Variants in VWA8 observed in about 807,000 individuals in gnomAD.
VWA8 encodes the protein von Willebrand factor A domain-containing protein 8.
Under a neutral mutation model 241.5 loss-of-function variants are expected in VWA8, and 221 were observed. The observed-to-expected ratio is 0.91, with a 90% CI of 0.82 to 1.02. VWA8 has a LOEUF of 1.02. Ranked by LOEUF, VWA8 falls within the 50% of genes least tolerant of loss-of-function variation. VWA8 has a pLI of 0.00. For missense variants in VWA8, 2,322 were observed against 2,328.7 expected (o/e 1.00, Z 0.06); for synonymous variants, 852 against 827.1 (o/e 1.03, Z -0.52).
At chr13:41,691,173 T>C (rs1158190057) in intron 32 of VWA8, 147 bp downstream of exon 32, 4 of 915,604 alleles carry the variant, frequency 4.4e-6, no homozygotes, top group Non-Finnish European at 6.0e-6. Flanking sequence ...CCTCAATTCT[T>C]ATAAGTCTCA....
At chr13:41,592,874 C>T (rs938207690) in intron 40 of VWA8, among the ~76,000 whole-genome samples, 1 of 152,166 alleles carries the variant, frequency 6.6e-6, no homozygotes, top group Non-Finnish European at 1.5e-5. Flanking sequence ...TAACACTAGT[C>T]TCTACTTTAG....
At position 41,670,965 on chromosome 13, in the gene VWA8, T is replaced by C. The variant is rs2045018209; in HGVS notation, c.4592A>G (p.Gln1531Arg). The C allele has an allele frequency of 6.2e-7, 1 of 1,613,844 alleles. No homozygotes were observed. The highest frequency in any genetic ancestry group is 8.5e-7 in the Non-Finnish European group (1 of 1,179,834). The change falls in exon 37 of 45, where the codon CAA becomes CGA. Residue 1531 changes from glutamine to arginine, a missense_variant. Physicochemically the swap from Gln to Arg is conservative, Grantham distance 43. Transcript: ENST00000379310. ...TGGTACCTGCATATTTCTGTCATCT[T>C]GTCCAATCATGTTTCTCCATTCCAT... ...SLMEWRNMIG[Q>R]DDRNMQITIN...
intron 38 of VWA8, among the ~76,000 whole-genome samples, chr13:41,612,351 C>A (rs1399131201): frequency 6.6e-6 from 1 of 152,166 alleles, no homozygotes; most frequent in Non-Finnish European, 1.5e-5. Flanking sequence ...CTGGTTTGAA[C>A]AATATATAAC....
At chr13:41,795,049 C>T (rs116968284) in intron 17 of VWA8, among the ~76,000 whole-genome samples, 1,864 of 152,152 alleles carry the variant, frequency 0.012, 12 homozygotes, top group East Asian at 0.02. Context: ...TGCAATCTAT[C>T]CATCTGACAA....
At chr13:41,695,727 G>A (rs952781753) in intron 29 of VWA8, among the ~76,000 whole-genome samples, 13 of 152,176 alleles carry the variant, frequency 8.5e-5, no homozygotes, top group African/African-American at 1.9e-4. Flanking sequence ...TGAAACTGTG[G>A]CCAAAGGGGT....
rs1296732345 is a variant in VWA8, at chr13:41,721,543, G to C, written c.2791C>G (p.Pro931Ala). 1 of 1,613,484 alleles carries C rather than the reference G, an allele frequency of 6.2e-7. No homozygotes were observed. Among genetic ancestry groups the C allele is most frequent in the Non-Finnish European group, 8.5e-7 (1 of 1,179,708 alleles). The change falls in exon 25 of 45, where the codon CCC becomes GCC. Residue 931 changes from proline to alanine, a missense_variant. Coordinates refer to ENST00000379310, the MANE Select transcript of VWA8 (RefSeq NM_015058.2). ...ATCTCGAGCTCCGAGTGGGGTTTGG[G>C]GTTATCAACTGCATGGCAGCTAAAA... ...DIFSCHAVDN[P>A]KPHSELEMLR...
chr13:41,833,229 T>C, intron 13 of VWA8, 142 bp downstream of exon 13: 1 of 1,014,408 alleles, frequency 9.9e-7, no homozygotes, highest in Non-Finnish European at 1.3e-6. Context: ...AAAGTGCCAT[T>C]CTACTTGGTA....
At chr13:41,817,453 A>T (rs552895435) in intron 15 of VWA8, among the ~76,000 whole-genome samples, 10 of 152,220 alleles carry the variant, frequency 6.6e-5, no homozygotes, top group Non-Finnish European at 1.3e-4. Flanking sequence ...ATTTTAAAAG[A>T]TCAAAAAAAG....
At chr13:41,824,634 C>G (rs1030093559) in intron 14 of VWA8, among the ~76,000 whole-genome samples, 4 of 151,606 alleles carry the variant, frequency 2.6e-5, no homozygotes, top group African/African-American at 9.7e-5. Flanking sequence ...TCAAGAGCAG[C>G]CTGGGCAACA....
intron 2 of VWA8, among the ~76,000 whole-genome samples, chr13:41,924,996 G>T (rs1438046103): frequency 6.6e-6 from 1 of 151,954 alleles, no homozygotes; most frequent in South Asian, 2.1e-4. Context: ...CAAAGACAGA[G>T]AGTTTTAAAA....
At chr13:41,670,650 G>A (rs536693490) in intron 37 of VWA8, among the ~76,000 whole-genome samples, 1 of 152,250 alleles carries the variant, frequency 6.6e-6, no homozygotes, top group East Asian at 1.9e-4. Context: ...GGTGCTACTG[G>A]AAACTGGTTA....
chr13:41,674,205 T>C (rs959145249), intron 36 of VWA8, among the ~76,000 whole-genome samples: 3 of 152,174 alleles, frequency 2.0e-5, no homozygotes, highest in African/African-American at 7.2e-5. Context: ...GAAATGAAGC[T>C]GTGTTTCTGA....
intron 4 of VWA8, among the ~76,000 whole-genome samples, chr13:41,895,786 A>T (rs1875071296): frequency 6.6e-6 from 1 of 151,482 alleles, no homozygotes; most frequent in African/African-American, 2.4e-5. Flanking sequence ...AGATATAACA[A>T]ACTTCAGTTT....
chr13:41,744,960 C>T (rs1006859044), intron 21 of VWA8, among the ~76,000 whole-genome samples: 1 of 152,106 alleles, frequency 6.6e-6, no homozygotes, highest in African/African-American at 2.4e-5. Flanking sequence ...GCCTCAGCCT[C>T]CCGAGTAGCT....
At chr13:41,748,782 G>A (rs112922817) in intron 21 of VWA8, among the ~76,000 whole-genome samples, 5,011 of 152,214 alleles carry the variant, frequency 0.033, 272 homozygotes, top group African/African-American at 0.11. Flanking sequence ...TTAATAAATC[G>A]TGCTGGGAAA....
chr13:41,645,811 C>CT (rs200643805), intron 37 of VWA8, among the ~76,000 whole-genome samples: 6 of 151,578 alleles, frequency 4.0e-5, no homozygotes, highest in African/African-American at 4.8e-5. Context: ...AATTAAAAAT[C>CT]TTTTTTTTTA....
At chr13:41,849,575 A>C (rs1367772768) in intron 12 of VWA8, among the ~76,000 whole-genome samples, 1 of 152,164 alleles carries the variant, frequency 6.6e-6, no homozygotes, top group Non-Finnish European at 1.5e-5. Context: ...AATCAAAATT[A>C]CTGTAAAGTA....
intron 21 of VWA8, among the ~76,000 whole-genome samples, chr13:41,753,092 T>G (rs901693588): frequency 6.6e-6 from 1 of 152,092 alleles, no homozygotes; most frequent in African/African-American, 2.4e-5. Context: ...GCATACAAAT[T>G]CAAAACTTGT....
At chr13:41,783,704 AC>A (rs2137936907) in intron 19 of VWA8, 90 bp downstream of exon 19, 3 of 910,226 alleles carry the variant, frequency 3.3e-6, no homozygotes, top group African/African-American at 1.7e-5. Flanking sequence ...TTAGGAAATC[AC>A]AAAAATAATT....
Sources: allele counts gnomAD v4.1 joint callset (sites outside exome capture counted in the v4.1 genomes callset), GRCh38; gene constraint gnomAD v4.1.1; transcripts MANE v1.5; gene names NCBI Gene and HGNC (gene_info 2026-07-23, HGNC 2026-07-21).